ATG5: variants seen among roughly 807,000 people sequenced by gnomAD.
ATG5 encodes autophagy protein 5.
A neutral mutation model predicts 36.5 loss-of-function variants in ATG5; 14 were observed. That is an observed-to-expected ratio of 0.38 (90% CI 0.25 to 0.60). The LOEUF (loss-of-function observed/expected upper bound fraction) is 0.60. Among genes scored for constraint, ATG5 ranks in the 20% least tolerant of loss-of-function variants. The pLI, the probability that ATG5 is intolerant of heterozygous loss-of-function variation, is 0.60. For synonymous variants in ATG5, 95 were observed against 101.5 expected (o/e 0.94, Z 0.38); for missense variants, 195 against 326.7 (o/e 0.60, Z 3.11).
At chr6:106,219,733 C>G (rs1450327497) in intron 6 of ATG5, among the ~76,000 whole-genome samples, 1 of 152,128 alleles carries the variant, frequency 6.6e-6, no homozygotes, top group East Asian at 1.9e-4. Flanking sequence ...ATATAAATCA[C>G]TCAGTGAATT....
intron 6 of ATG5, among the ~76,000 whole-genome samples, chr6:106,244,421 C>G (rs1457098171): frequency 6.6e-6 from 1 of 152,166 alleles, no homozygotes; most frequent in African/African-American, 2.4e-5. Context: ...TATCCAAACT[C>G]TGTGGTCAAG....
intron 6 of ATG5, among the ~76,000 whole-genome samples, chr6:106,229,806 T>G (rs939943291): frequency 1.3e-5 from 2 of 152,208 alleles, no homozygotes; most frequent in African/African-American, 4.8e-5. Context: ...ACTGCTTTGC[T>G]AACAGAAAAA....
At chr6:106,226,795 C>T (rs373449378) in intron 6 of ATG5, among the ~76,000 whole-genome samples, 3 of 151,996 alleles carry the variant, frequency 2.0e-5, no homozygotes, top group South Asian at 4.2e-4. Flanking sequence ...CAAAAAAGTA[C>T]CAAACAAAAA....
intron 6 of ATG5, among the ~76,000 whole-genome samples, chr6:106,231,012 C>T (rs1396467681): frequency 1.6e-4 from 25 of 151,746 alleles, no homozygotes; most frequent in Admixed American, 1.4e-3. Flanking sequence ...CAGACTCCTT[C>T]CCCAAATAAT....
At chr6:106,296,445 G>A (rs557629249) in intron 3 of ATG5, among the ~76,000 whole-genome samples, 4 of 152,306 alleles carry the variant, frequency 2.6e-5, no homozygotes, top group African/African-American at 4.8e-5. Flanking sequence ...ATGCCTAGAA[G>A]GATGATAGAA....
chr6:106,202,906 G>T (rs564117276), intron 6 of ATG5, among the ~76,000 whole-genome samples: 2 of 152,230 alleles, frequency 1.3e-5, no homozygotes, highest in Admixed American at 6.5e-5. Flanking sequence ...CAGGCAATCT[G>T]CCGGCTTCGG....
intron 1 of ATG5, among the ~76,000 whole-genome samples, chr6:106,321,820 GTTCT>G (rs1483412286): frequency 4.6e-5 from 7 of 152,136 alleles, no homozygotes; most frequent in Non-Finnish European, 1.0e-4. Context: ...TGAACTGGGA[GTTCT>G]TTGACAGCAA....
At chr6:106,213,019 T>G (rs756587007) in intron 6 of ATG5, among the ~76,000 whole-genome samples, 4 of 152,212 alleles carry the variant, frequency 2.6e-5, no homozygotes, top group Non-Finnish European at 5.9e-5. Flanking sequence ...GTTTTACCTA[T>G]GTTTAACAAA....
chr6:106,231,110 T>C (rs1020208334), intron 6 of ATG5, among the ~76,000 whole-genome samples: 1 of 152,080 alleles, frequency 6.6e-6, no homozygotes, highest in Admixed American at 6.6e-5. Flanking sequence ...TCCCCGATTA[T>C]GCCCCCTCCA....
At chr6:106,312,199 TGA>T (rs1010666090) in intron 2 of ATG5, among the ~76,000 whole-genome samples, 17 of 152,226 alleles carry the variant, frequency 1.1e-4, no homozygotes, top group Admixed American at 1.0e-3. Context: ...CAGATAAGTC[TGA>T]GAGACACTGA....
intron 6 of ATG5, among the ~76,000 whole-genome samples, chr6:106,245,242 T>C (rs981146149): frequency 6.6e-6 from 1 of 152,192 alleles, no homozygotes; most frequent in African/African-American, 2.4e-5. Flanking sequence ...TTTGAGCTCA[T>C]GATAAATGAA....
chr6:106,235,584 T>G (rs1303656096), intron 6 of ATG5, among the ~76,000 whole-genome samples: 1 of 152,076 alleles, frequency 6.6e-6, no homozygotes, highest in African/African-American at 2.4e-5. Flanking sequence ...GCTTGCAACT[T>G]AGCTCACACC....
At chr6:106,196,888 A>T (rs1387036036) in intron 7 of ATG5, among the ~76,000 whole-genome samples, 2 of 151,684 alleles carry the variant, frequency 1.3e-5, no homozygotes, top group East Asian at 3.8e-4. Context: ...TGAACAAATG[A>T]ATCCATTAAC....
intron 3 of ATG5, among the ~76,000 whole-genome samples, chr6:106,305,721 T>C (rs1012402176): frequency 1.3e-5 from 2 of 152,234 alleles, no homozygotes; most frequent in Non-Finnish European, 2.9e-5. Flanking sequence ...CTTCCAACAC[T>C]TCAGTGGTAG....
At chr6:106,249,996 C>A (rs1340146317) in intron 5 of ATG5, among the ~76,000 whole-genome samples, 2 of 152,110 alleles carry the variant, frequency 1.3e-5, no homozygotes, top group Non-Finnish European at 2.9e-5. Flanking sequence ...TGAATACAAA[C>A]CCCTTATCTA....
At chr6:106,312,165 G>A (rs1289867526) in intron 2 of ATG5, among the ~76,000 whole-genome samples, 5 of 152,150 alleles carry the variant, frequency 3.3e-5, no homozygotes, top group African/African-American at 1.2e-4. Context: ...GGTCTAGGCT[G>A]TAGCAGTGGG....
intron 3 of ATG5, among the ~76,000 whole-genome samples, chr6:106,294,845 G>GGAAAAAAAA: frequency 1.2e-5 from 1 of 85,970 alleles, no homozygotes; most frequent in African/African-American, 4.2e-5. Flanking sequence ...CTTTTCTCAA[G>GGAAAAAAAA]AAAAAAAAAA....
intron 3 of ATG5, among the ~76,000 whole-genome samples, chr6:106,297,715 TAAACAC>T (rs1480665605): frequency 9.2e-5 from 10 of 108,270 alleles, no homozygotes; most frequent in African/African-American, 2.9e-4. Flanking sequence ...CAAAATGACT[TAAACAC>T]ACACACACAC....
At chr6:106,197,070 T>C (rs1776224792) in intron 7 of ATG5, among the ~76,000 whole-genome samples, 1 of 152,188 alleles carries the variant, frequency 6.6e-6, no homozygotes, top group Non-Finnish European at 1.5e-5. Flanking sequence ...TGTGCTGCTG[T>C]TAGGGGACAG....
Sources: allele counts gnomAD v4.1 joint callset (sites outside exome capture counted in the v4.1 genomes callset), GRCh38; gene constraint gnomAD v4.1.1; transcripts MANE v1.5; gene names NCBI Gene and HGNC (gene_info 2026-07-23, HGNC 2026-07-21).